Variants in TSNARE1 observed in about 807,000 individuals in gnomAD.
TSNARE1 encodes the protein t-SNARE domain-containing protein 1.
In TSNARE1, 49 loss-of-function variants were observed where a neutral mutation model predicts 62.0. The observed-to-expected ratio is 0.79, with a 90% confidence interval of 0.63 to 1.00. The LOEUF is 1.00. Ranked by LOEUF, TSNARE1 falls within the 50% of genes least tolerant of loss-of-function variation. The pLI, the probability that TSNARE1 is intolerant of heterozygous loss-of-function variation, is 0.00. For missense variants in TSNARE1, 755 were observed against 700.1 expected (o/e 1.08, Z -0.88); for synonymous variants, 328 against 294.4 (o/e 1.11, Z -1.17).
intron 12 of TSNARE1, among the ~76,000 whole-genome samples, chr8:142,230,590 G>A (rs1817054665): frequency 6.6e-6 from 1 of 152,090 alleles, no homozygotes; most frequent in Non-Finnish European, 1.5e-5. Flanking sequence ...CCTAGGGGAG[G>A]GTAGAGAAGG....
chr8:142,399,257 G>C (rs888558598), intron 1 of TSNARE1, among the ~76,000 whole-genome samples: 1 of 152,262 alleles, frequency 6.6e-6, no homozygotes, highest in Non-Finnish European at 1.5e-5. Flanking sequence ...AGGAAGGATA[G>C]TGGAATAAGA....
intron 1 of TSNARE1, among the ~76,000 whole-genome samples, chr8:142,378,247 C>T (rs1046874256): frequency 3.3e-5 from 5 of 152,230 alleles, no homozygotes; most frequent in African/African-American, 9.6e-5. Context: ...ACGCCACACC[C>T]ACAGTTCAGG....
chr8:142,250,530 GC>G (rs1274014129), intron 12 of TSNARE1, among the ~76,000 whole-genome samples: 2 of 152,248 alleles, frequency 1.3e-5, no homozygotes, highest in Non-Finnish European at 2.9e-5. Context: ...GGCATCTGGA[GC>G]AGGTTCCAGG....
In TSNARE1 at chr8:142,280,933, AG is replaced by A. The variant is rs555185200; in HGVS notation, c.1363+3479del. 2.1e-3 allele frequency among the ~76,000 whole-genome samples: 327 copies of A among 152,234 alleles called. 3 individuals carry two copies. The highest frequency in any genetic ancestry group is 0.018 in the South Asian group (85 of 4,824). Reference sequence around the variant, plus strand: ...AGAGCAGCTTGAAGCCCAGGCTCCGAGGGGATTGAGGGGCCGGCCTGGCCCA... The same window carrying A: ...AGAGCAGCTTGAAGCCCAGGCTCCGAGGGATTGAGGGGCCGGCCTGGCCCA... On this transcript the variant is annotated intron_variant, in intron 11 of 13. Transcript: ENST00000524325.
At chr8:142,212,468 A>T (rs1204929266) in intron 13 of TSNARE1, among the ~76,000 whole-genome samples, 155 bp from the exon 14 acceptor site, 7 of 151,950 alleles carry the variant, frequency 4.6e-5, no homozygotes, top group Admixed American at 4.6e-4. Flanking sequence ...GGCCACCTGC[A>T]GCTGCAGGGG....
At chr8:142,337,494 A>G (rs1278692391) in intron 4 of TSNARE1, among the ~76,000 whole-genome samples, 1 of 152,254 alleles carries the variant, frequency 6.6e-6, no homozygotes, top group Non-Finnish European at 1.5e-5. Context: ...CCTGCCGCCC[A>G]GCAATAAAGC....
At chr8:142,239,006 AGACTCCAT>A (rs1230427659) in intron 12 of TSNARE1, among the ~76,000 whole-genome samples, 1 of 152,140 alleles carries the variant, frequency 6.6e-6, no homozygotes, top group Non-Finnish European at 1.5e-5. Flanking sequence ...CTGGCACTGC[AGACTCCAT>A]GACACTTGGT....
At chr8:142,271,447 T>C in intron 12 of TSNARE1, 3 of 1,259,492 alleles carry the variant, frequency 2.4e-6, no homozygotes, top group Non-Finnish European at 3.0e-6. Context: ...TTTCAGATGC[T>C]GCCGCTGGGG....
chr8:142,273,475 A>G, intron 12 of TSNARE1: 1 of 985,408 alleles, frequency 1.0e-6, no homozygotes, highest in Non-Finnish European at 1.2e-6. Flanking sequence ...GAGGCCAAAC[A>G]GCCCAGAGCT....
intron 1 of TSNARE1, among the ~76,000 whole-genome samples, chr8:142,384,199 T>C (rs1371334378): frequency 6.6e-6 from 1 of 152,128 alleles, no homozygotes; most frequent in Non-Finnish European, 1.5e-5. Context: ...GAGCCACATG[T>C]GCAGTCTGCC....
chr8:142,227,797 G>A (rs926618545), intron 13 of TSNARE1, among the ~76,000 whole-genome samples: 2 of 152,262 alleles, frequency 1.3e-5, no homozygotes, highest in Non-Finnish European at 2.9e-5. Context: ...TGGCCATGCT[G>A]GCCCTGAAGG....
At chr8:142,343,733 G>GA (rs1272265365) in intron 4 of TSNARE1, among the ~76,000 whole-genome samples, 1 of 135,854 alleles carries the variant, frequency 7.4e-6, no homozygotes, top group East Asian at 2.4e-4. Context: ...CACTCCAGAT[G>GA]AGACAGTGGT....
At chr8:142,212,896 C>A (rs1200511515) in intron 13 of TSNARE1, among the ~76,000 whole-genome samples, 6 of 122,546 alleles carry the variant, frequency 4.9e-5, no homozygotes, top group African/African-American at 1.9e-4. Flanking sequence ...TTCCCTCTCT[C>A]CTGCCCGGTC....
At chr8:142,296,730 T>G (rs2131225816) in intron 10 of TSNARE1, among the ~76,000 whole-genome samples, 1 of 151,430 alleles carries the variant, frequency 6.6e-6, no homozygotes, top group South Asian at 2.1e-4. Context: ...GCAGCAATGC[T>G]CAGATCAGGG....
intron 4 of TSNARE1, among the ~76,000 whole-genome samples, chr8:142,341,110 CCT>C (rs1399835569): frequency 6.6e-6 from 1 of 152,234 alleles, no homozygotes; most frequent in Non-Finnish European, 1.5e-5. Context: ...AGACCCCTCC[CCT>C]GTCCCCCGAC....
chr8:142,309,737 G>C (rs1044220069), intron 9 of TSNARE1, among the ~76,000 whole-genome samples: 2 of 152,076 alleles, frequency 1.3e-5, no homozygotes, highest in Admixed American at 1.3e-4. Flanking sequence ...TAAGAATCTG[G>C]AATCAAGGTA....
At chr8:142,300,821 A>T (rs1171048650) in intron 9 of TSNARE1, among the ~76,000 whole-genome samples, 177 bp from the exon 10 acceptor site, 1 of 151,996 alleles carries the variant, frequency 6.6e-6, no homozygotes, top group Non-Finnish European at 1.5e-5. Context: ...ACTGGGCATC[A>T]ATCTGGGCCT....
chr8:142,323,957 G>A (rs1421177593), intron 6 of TSNARE1, among the ~76,000 whole-genome samples: 1 of 152,164 alleles, frequency 6.6e-6, no homozygotes, highest in Non-Finnish European at 1.5e-5. Flanking sequence ...CAACACCAGC[G>A]AGGCCCATGT....
chr8:142,277,394 C>G, intron 11 of TSNARE1: 1 of 985,380 alleles, frequency 1.0e-6, no homozygotes, highest in Non-Finnish European at 1.2e-6. Context: ...TGTGGGAGAC[C>G]CCCCTGCACT....
Sources: gnomAD v4.1 joint callset for allele counts (sites outside exome capture counted in the v4.1 genomes callset) on GRCh38, gnomAD v4.1.1 for gene constraint, MANE v1.5 for transcripts, NCBI Gene and HGNC (gene_info 2026-07-23, HGNC 2026-07-21) for gene names.